The following FAM13A variants were observed in gnomAD, a reference collection of about 807,000 sequenced individuals.
The protein encoded by FAM13A is protein FAM13A.
In FAM13A, 76 loss-of-function variants were observed where a neutral mutation model predicts 129.6. That is an observed-to-expected ratio of 0.59 (90% CI 0.49 to 0.71). The LOEUF (loss-of-function observed/expected upper bound fraction) is 0.71. Among genes scored for constraint, FAM13A ranks in the 30% least tolerant of loss-of-function variants. The pLI, the probability that FAM13A is intolerant of heterozygous loss-of-function variation, is 0.00. For missense variants in FAM13A, 1,108 were observed against 1,249.3 expected, an observed-to-expected ratio of 0.89 and a Z score of 1.70; for synonymous variants, 443 against 449.9, an observed-to-expected ratio of 0.98 and a Z score of 0.20.
At chr4:89,020,918 G>T (rs1481361103) in intron 2 of FAM13A, among the ~76,000 whole-genome samples, 1 of 151,252 alleles carries the variant, frequency 6.6e-6, no homozygotes, top group East Asian at 1.9e-4. Flanking sequence ...TAAGGCTATG[G>T]CATATATAAA....
chr4:88,910,806 T>C (rs1748986051), intron 5 of FAM13A, among the ~76,000 whole-genome samples: 1 of 151,978 alleles, frequency 6.6e-6, no homozygotes, highest in Non-Finnish European at 1.5e-5. Context: ...CGCGTCACCA[T>C]GCCCAGCTAA....
intron 1 of FAM13A, among the ~76,000 whole-genome samples, chr4:89,041,999 T>G (rs1402553050): frequency 1.3e-5 from 2 of 151,970 alleles, no homozygotes; most frequent in African/African-American, 4.8e-5. Flanking sequence ...GTAAGAGAAC[T>G]CTGATTCTGT....
Position 89,056,995 on chromosome 4 carries a change from A to C in FAM13A, c.-31T>G. 6.2e-7 allele frequency: 1 copy of C among 1,612,670 alleles called. No homozygotes were observed. The highest frequency in any genetic ancestry group is 2.2e-5 in the East Asian group (1 of 44,864). On this transcript the variant is annotated 5_prime_UTR_variant, in exon 1 of 24. Transcript: ENST00000264344. ...CAGAAAGCGTCTGGAAGAACTGAGG[A>C]AGACCAGACGAAAATATTAAAACGA...
At chr4:88,773,823 C>T (rs538883323) in intron 11 of FAM13A, among the ~76,000 whole-genome samples, 4 of 152,224 alleles carry the variant, frequency 2.6e-5, no homozygotes, top group Admixed American at 1.3e-4. Flanking sequence ...TACTTTAGTC[C>T]TTATCCATTT....
chr4:88,815,019 A>AT (rs1214027697), intron 7 of FAM13A, among the ~76,000 whole-genome samples: 10 of 152,062 alleles, frequency 6.6e-5, no homozygotes, highest in African/African-American at 1.9e-4. Context: ...TTTAAAAAAA[A>AT]TTTTGTAGAG....
rs760931466 is a variant in FAM13A at position 88,809,312 on chromosome 4, T to G, written c.1008-4260A>C. ...CTCTCCAATTACTTCAACTTTCTAA[T>G]TGGTTAATGTGGCTGGCTACCAGAA... is the stretch of plus-strand genomic sequence containing the variant. On this transcript the variant is annotated intron_variant, in intron 7 of 23. Transcript: ENST00000264344. 3.3e-5 allele frequency among the ~76,000 whole-genome samples: 5 copies of G among 152,192 alleles called. No homozygotes were observed. In the South Asian group the frequency reaches 6.2e-4, roughly 19 times the overall value.
chr4:89,021,591 G>T (rs1242772355), intron 2 of FAM13A, among the ~76,000 whole-genome samples: 1 of 152,114 alleles, frequency 6.6e-6, no homozygotes, highest in East Asian at 1.9e-4. Flanking sequence ...AACAGGAAAG[G>T]GTCTGTGACA....
chr4:88,929,345 C>T (rs1440931848), intron 5 of FAM13A, among the ~76,000 whole-genome samples: 1 of 152,120 alleles, frequency 6.6e-6, no homozygotes, highest in African/African-American at 2.4e-5. Flanking sequence ...TTACTTTAGA[C>T]ATTCTGAATA....
chr4:88,747,465 C>A (rs768370078), intron 18 of FAM13A, among the ~76,000 whole-genome samples, 166 bp downstream of exon 18: 1 of 152,222 alleles, frequency 6.6e-6, no homozygotes, highest in Non-Finnish European at 1.5e-5. Flanking sequence ...AAAGCACCCA[C>A]AGTTAACGCA....
In FAM13A at chr4:88,979,498, T is replaced by C. The variant is rs150737994; in HGVS notation, c.605+11475A>G. 3.5e-3 allele frequency among the ~76,000 whole-genome samples: 529 copies of C among 152,328 alleles called. 5 individuals are homozygous for C. Among genetic ancestry groups the C allele is most frequent in the African/African-American group, 0.012 (502 of 41,568 alleles). ...CCTGACTCTAACCTCTTACTAGTCA[T>C]GTGACCTTATGCAAGTTAAACTTTC... On this transcript the variant is annotated intron_variant, in intron 4 of 23. Transcript: ENST00000264344.
intron 3 of FAM13A, among the ~76,000 whole-genome samples, chr4:89,017,191 G>C (rs958234634): frequency 6.6e-6 from 1 of 152,170 alleles, no homozygotes; most frequent in Non-Finnish European, 1.5e-5. Context: ...ATGCTTAACT[G>C]TAATTTTTTT....
At chr4:89,028,769 C>T (rs894164781) in intron 2 of FAM13A, among the ~76,000 whole-genome samples, 16 of 96,458 alleles carry the variant, frequency 1.7e-4, no homozygotes, top group African/African-American at 7.3e-4. Context: ...ACTTAAAGTA[C>T]ATAAAAAAAA....
At chr4:88,856,263 T>G (rs1223503652) in intron 6 of FAM13A, among the ~76,000 whole-genome samples, 1 of 151,998 alleles carries the variant, frequency 6.6e-6, no homozygotes, top group African/African-American at 2.4e-5. Flanking sequence ...GGGGATTGCT[T>G]GAGACCAGGA....
chr4:88,912,811 T>C (rs1225003151), intron 5 of FAM13A, among the ~76,000 whole-genome samples: 1 of 151,994 alleles, frequency 6.6e-6, no homozygotes, highest in African/African-American at 2.4e-5. Flanking sequence ...ACTCTGTCTC[T>C]ACAAAAACAA....
intron 3 of FAM13A, among the ~76,000 whole-genome samples, chr4:89,010,514 T>A (rs1337935486): frequency 6.6e-6 from 1 of 152,154 alleles, no homozygotes; most frequent in African/African-American, 2.4e-5. Context: ...TCTGAGGAGC[T>A]GAAGCACTTT....
chr4:88,997,256 G>A (rs1763669158), intron 3 of FAM13A, among the ~76,000 whole-genome samples: 1 of 152,110 alleles, frequency 6.6e-6, no homozygotes, highest in Non-Finnish European at 1.5e-5. Flanking sequence ...CTTTGCAGAT[G>A]GAAATAATGG....
intron 7 of FAM13A, among the ~76,000 whole-genome samples, chr4:88,828,335 A>G (rs990458440): frequency 3.3e-5 from 5 of 151,908 alleles, no homozygotes; most frequent in African/African-American, 1.2e-4. Flanking sequence ...TGAGGTTCTT[A>G]CTATGTTGCC....
chr4:88,870,118 T>C (rs1741097644), intron 6 of FAM13A, among the ~76,000 whole-genome samples: 1 of 100,230 alleles, frequency 1.0e-5, no homozygotes, highest in Non-Finnish European at 1.8e-5. Context: ...AACATTTCTG[T>C]TGTAAAAAAA....
intron 14 of FAM13A, among the ~76,000 whole-genome samples, chr4:88,752,734 G>A (rs1380453258): frequency 2.0e-5 from 3 of 152,150 alleles, no homozygotes; most frequent in African/African-American, 4.8e-5. Flanking sequence ...GAGAGGCGAA[G>A]TAAGGAGGGG....
Sources: gnomAD v4.1 joint callset for allele counts (sites outside exome capture counted in the v4.1 genomes callset) on GRCh38, gnomAD v4.1.1 for gene constraint, MANE v1.5 for transcripts, NCBI Gene and HGNC (gene_info 2026-07-23, HGNC 2026-07-21) for gene names.